Variants in MBD2 observed in about 807,000 individuals in gnomAD.
MBD2 encodes the protein methyl-CpG binding domain protein 2.
MBD2 carries 9 observed loss-of-function variants against 39.3 expected under a neutral mutation model. The ratio of observed to expected loss-of-function variants is 0.23; its 90% CI spans 0.14 to 0.40. The LOEUF is 0.40. Ranked by LOEUF, MBD2 falls within the 10% of genes least tolerant of loss-of-function variation. The pLI is 1.00. For synonymous variants in MBD2, 233 were observed against 211.1 expected (o/e 1.10, Z -0.90); for missense variants, 458 against 532.6 (o/e 0.86, Z 1.38).
intron 2 of MBD2, among the ~76,000 whole-genome samples, chr18:54,195,736 T>A (rs2086360719): frequency 6.6e-6 from 1 of 152,050 alleles, no homozygotes; most frequent in African/African-American, 2.4e-5. Context: ...AAACCAGCGC[T>A]TAGTAAAACA....
chr18:54,164,714 C>T lies in MBD2; in HGVS notation c.932-14G>A. ...CTGGACCAACTCCTGCAATGAGAAA[C>T]AAGTACTAGTTAAAGGAAATGTCTC... On this transcript the variant is annotated splice_polypyrimidine_tract_variant and intron_variant, in intron 4 of 6. Coordinates refer to ENST00000256429, the MANE Select transcript of MBD2 (RefSeq NM_003927.5). 6.3e-7 allele frequency: 1 copy of T among 1,592,178 alleles called. No individual in the cohort carries two copies. The highest frequency in any genetic ancestry group is 8.6e-7 in the Non-Finnish European group (1 of 1,161,600).
At chr18:54,156,257 A>T (rs1190678682) in intron 6 of MBD2, among the ~76,000 whole-genome samples, 1 of 152,190 alleles carries the variant, frequency 6.6e-6, no homozygotes, top group East Asian at 1.9e-4. Context: ...GTACATCTAA[A>T]TCTTCCGCAA....
intron 1 of MBD2, among the ~76,000 whole-genome samples, chr18:54,221,287 C>T (rs1420872817): frequency 6.6e-6 from 1 of 151,802 alleles, no homozygotes; most frequent in Non-Finnish European, 1.5e-5. Flanking sequence ...AAAACCCTGT[C>T]TCTACTAAAA....
At chr18:54,187,149 C>T (rs1047304621) in intron 3 of MBD2, among the ~76,000 whole-genome samples, 2 of 152,074 alleles carry the variant, frequency 1.3e-5, no homozygotes, top group African/African-American at 2.4e-5. Flanking sequence ...CCAGAATTTG[C>T]TAATCAATTC....
intron 1 of MBD2, among the ~76,000 whole-genome samples, chr18:54,217,126 C>T (rs1018611462): frequency 6.6e-6 from 1 of 151,994 alleles, no homozygotes; most frequent in Non-Finnish European, 1.5e-5. Flanking sequence ...TTAAAGGGGA[C>T]GATGTTCTTC....
chr18:54,154,636 CAGAAATTCTT>C lies in MBD2; in HGVS notation c.*678_*687del, dbSNP rs1412678528. On this transcript the variant is annotated 3_prime_UTR_variant, in exon 7 of 7. Coordinates refer to ENST00000256429, the MANE Select transcript of MBD2 (RefSeq NM_003927.5). Reference sequence around the variant, plus strand: ...ATTACACATGCTAGGTGATATTTAGCAGAAATTCTTAGAAATTCTGGTGAAAGCACAATTC... The same window carrying C: ...ATTACACATGCTAGGTGATATTTAGCAGAAATTCTGGTGAAAGCACAATTC... The C allele has an allele frequency of 6.6e-6, 1 of 152,232 alleles. No homozygotes were observed. Among genetic ancestry groups the C allele is most frequent in the African/African-American group, 2.4e-5 (1 of 41,450 alleles). 9.4% of individuals were successfully genotyped at this position (152,232 alleles called of 1,614,324 possible).
intron 2 of MBD2, among the ~76,000 whole-genome samples, chr18:54,189,836 G>A (rs1312157988): frequency 6.6e-6 from 1 of 151,742 alleles, no homozygotes; most frequent in Non-Finnish European, 1.5e-5. Flanking sequence ...TTTTTGTAGA[G>A]ATGGGGTCTC....
At chr18:54,196,324 G>A (rs997049354) in intron 2 of MBD2, among the ~76,000 whole-genome samples, 1 of 152,084 alleles carries the variant, frequency 6.6e-6, no homozygotes, top group Non-Finnish European at 1.5e-5. Context: ...GACTACACCT[G>A]TTCACAGAAG....
chr18:54,206,601 C>T (rs537958514), intron 1 of MBD2, among the ~76,000 whole-genome samples: 1 of 152,336 alleles, frequency 6.6e-6, no homozygotes, highest in Non-Finnish European at 1.5e-5. Context: ...CAATACACCC[C>T]GGACTTGTCA....
intron 2 of MBD2, among the ~76,000 whole-genome samples, chr18:54,200,412 T>A (rs915427821): frequency 6.6e-6 from 1 of 152,182 alleles, no homozygotes; most frequent in East Asian, 1.9e-4. Context: ...TGTTTATACA[T>A]CTAAAACACT....
chr18:54,173,320 A>T (rs1349551597), intron 3 of MBD2, among the ~76,000 whole-genome samples: 1 of 152,160 alleles, frequency 6.6e-6, no homozygotes, highest in Non-Finnish European at 1.5e-5. Context: ...TTAAAAAAAA[A>T]TTAAGAATTT....
intron 6 of MBD2, among the ~76,000 whole-genome samples, chr18:54,158,006 CA>C (rs1327564023): frequency 1.3e-5 from 2 of 152,212 alleles, no homozygotes; most frequent in Non-Finnish European, 2.9e-5. Flanking sequence ...TCCTTGCTTC[CA>C]AGCTTTCCCT....
intron 2 of MBD2, among the ~76,000 whole-genome samples, chr18:54,191,684 T>A (rs962138791): frequency 6.6e-5 from 10 of 152,230 alleles, no homozygotes; most frequent in Admixed American, 3.3e-4. Flanking sequence ...AGCCTCACAA[T>A]AATCTGACAA....
chr18:54,182,876 G>C (rs142938563), intron 3 of MBD2, among the ~76,000 whole-genome samples: 1 of 152,138 alleles, frequency 6.6e-6, no homozygotes, highest in East Asian at 1.9e-4. Context: ...AAGCTGCAAT[G>C]AGTCGTGATT....
At chr18:54,217,357 C>T (rs1327793239) in intron 1 of MBD2, among the ~76,000 whole-genome samples, 1 of 152,106 alleles carries the variant, frequency 6.6e-6, no homozygotes, top group African/African-American at 2.4e-5. Context: ...TTTTTATTCT[C>T]CTTCCTTGGG....
At chr18:54,205,435 C>A (rs1020745833) in intron 1 of MBD2, among the ~76,000 whole-genome samples, 3 of 151,522 alleles carry the variant, frequency 2.0e-5, no homozygotes, top group South Asian at 2.1e-4. Flanking sequence ...ATAAAAAATA[C>A]AAAAAATTAG....
chr18:54,168,959 T>G (rs2086158492), intron 3 of MBD2, among the ~76,000 whole-genome samples: 1 of 152,126 alleles, frequency 6.6e-6, no homozygotes, highest in African/African-American at 2.4e-5. Flanking sequence ...AAGGATTCTT[T>G]GCATTTTAAA....
At chr18:54,196,807 A>C (rs191075950) in intron 2 of MBD2, among the ~76,000 whole-genome samples, 2 of 152,360 alleles carry the variant, frequency 1.3e-5, no homozygotes, top group African/African-American at 4.8e-5. Flanking sequence ...ACTAGTTTAT[A>C]ATATAATACA....
At chr18:54,182,262 T>C (rs1568083896) in intron 3 of MBD2, among the ~76,000 whole-genome samples, 1 of 152,208 alleles carries the variant, frequency 6.6e-6, no homozygotes, top group Non-Finnish European at 1.5e-5. Context: ...CCTAATATAG[T>C]TGTGATCAGA....
Sources: allele counts gnomAD v4.1 joint callset (sites outside exome capture counted in the v4.1 genomes callset), GRCh38; gene constraint gnomAD v4.1.1; transcripts MANE v1.5; gene names NCBI Gene and HGNC (gene_info 2026-07-23, HGNC 2026-07-21).